The following GABPB1 variants were observed in gnomAD, a reference collection of about 807,000 sequenced individuals.
GABPB1 encodes the protein GA-binding protein subunit beta-1.
A neutral mutation model predicts 45.9 loss-of-function variants in GABPB1; 15 were observed. That is an observed-to-expected ratio of 0.33 (90% CI 0.22 to 0.50). GABPB1 has a LOEUF of 0.50. GABPB1 is among the 20% of genes least tolerant of loss of function. GABPB1 has a pLI of 0.98. For synonymous variants in GABPB1, 143 were observed against 154.4 expected (o/e 0.93, Z 0.55); for missense variants, 252 against 457.5 (o/e 0.55, Z 4.10).
intron 1 of GABPB1, among the ~76,000 whole-genome samples, chr15:50,338,260 G>A (rs546689656): frequency 6.6e-5 from 10 of 152,000 alleles, no homozygotes; most frequent in South Asian, 6.2e-4. Context: ...GGCTGGTCTC[G>A]AACTCCTAAC....
chr15:50,298,716 G>A (rs530606015), intron 6 of GABPB1, among the ~76,000 whole-genome samples: 1 of 152,308 alleles, frequency 6.6e-6, no homozygotes, highest in African/African-American at 2.4e-5. Flanking sequence ...ACCTTGGGAG[G>A]CCGAGGAAGG....
intron 1 of GABPB1, among the ~76,000 whole-genome samples, chr15:50,343,196 G>A (rs903466390): frequency 7.2e-5 from 11 of 151,996 alleles, no homozygotes; most frequent in South Asian, 4.2e-4. Context: ...ACCGTGCCCC[G>A]CAGGACTTAA....
intron 2 of GABPB1, among the ~76,000 whole-genome samples, chr15:50,306,785 T>C (rs2046965058): frequency 1.3e-5 from 2 of 152,126 alleles, no homozygotes; most frequent in Admixed American, 6.5e-5. Context: ...TTTGCCTGTT[T>C]TGAGTTTTAT....
intron 6 of GABPB1, among the ~76,000 whole-genome samples, chr15:50,297,170 C>A (rs1269687090): frequency 1.3e-5 from 2 of 151,470 alleles, no homozygotes. Flanking sequence ...CTCGGCCTCC[C>A]AAAGTGCTGG....
intron 6 of GABPB1, among the ~76,000 whole-genome samples, chr15:50,298,631 A>C (rs761597159): frequency 5.9e-5 from 9 of 152,200 alleles, no homozygotes; most frequent in Non-Finnish European, 8.8e-5. Context: ...TTATAATGCT[A>C]CAGAAGCTAA....
At chr15:50,293,575 G>GC (rs2046418557) in intron 6 of GABPB1, among the ~76,000 whole-genome samples, 1 of 152,058 alleles carries the variant, frequency 6.6e-6, no homozygotes, top group African/African-American at 2.4e-5. Flanking sequence ...ATTTTCAAAC[G>GC]CATTAAGTAT....
At chr15:50,296,286 A>G (rs912722200) in intron 6 of GABPB1, among the ~76,000 whole-genome samples, 5 of 152,250 alleles carry the variant, frequency 3.3e-5, no homozygotes, top group Non-Finnish European at 2.9e-5. Flanking sequence ...AGCTTACACT[A>G]TATTTTGGTC....
chr15:50,337,460 A>G (rs28688566), intron 1 of GABPB1, among the ~76,000 whole-genome samples: 71,846 of 151,790 alleles, frequency 0.47, 18,369 homozygotes, highest in Middle Eastern at 0.65. Context: ...AAAGTTTTGA[A>G]TCTCAAGCAA....
At chr15:50,290,528 T>A (rs1427003986) in intron 6 of GABPB1, among the ~76,000 whole-genome samples, 1 of 151,582 alleles carries the variant, frequency 6.6e-6, no homozygotes, top group East Asian at 1.9e-4. Flanking sequence ...GAGGCAGAGG[T>A]TGCAATGAGA....
At chr15:50,279,435 A>G (rs2045907667) in intron 8 of GABPB1, among the ~76,000 whole-genome samples, 1 of 152,154 alleles carries the variant, frequency 6.6e-6, no homozygotes, top group South Asian at 2.1e-4. Context: ...TATTTCCTAA[A>G]TTATACTATT....
rs1407115703 is a variant in GABPB1 at position 50,289,602 on chromosome 15, G to A, written c.764C>T (p.Ser255Leu). ...VDGAIQQVVS[S>L]GGQQVITIVT... ...TATTGTGATGACTTGCTGACCCCCT[G>A]AACTAACTACTTGCTGAATGGCACC... The change falls in exon 7 of 9, where the codon TCA becomes TTA. Residue 255 changes from serine to leucine, a missense_variant. Around this residue, in one of 4 missense-constraint regions of GABPB1, gnomAD observed 193 missense variants for 259.9 expected, o/e 0.74. Coordinates refer to ENST00000380877, the MANE Select transcript of GABPB1 (RefSeq NM_016654.5). The A allele has an allele frequency of 6.2e-7, 1 of 1,612,886 alleles. No homozygotes were observed. Among genetic ancestry groups the A allele is most frequent in the Admixed American group, 1.7e-5 (1 of 59,924 alleles).
intron 8 of GABPB1, among the ~76,000 whole-genome samples, chr15:50,282,817 G>A (rs1461186902): frequency 6.6e-6 from 1 of 152,134 alleles, no homozygotes; most frequent in Admixed American, 6.5e-5. Flanking sequence ...CACTCTGGGG[G>A]GCTGAAGCGG....
intron 1 of GABPB1, among the ~76,000 whole-genome samples, chr15:50,335,672 G>T (rs2048092961): frequency 6.6e-6 from 1 of 152,012 alleles, no homozygotes; most frequent in Admixed American, 6.6e-5. Flanking sequence ...GCCAAGGCGG[G>T]TGGATCATGA....
At chr15:50,340,612 T>A (rs2048323591) in intron 1 of GABPB1, among the ~76,000 whole-genome samples, 1 of 151,072 alleles carries the variant, frequency 6.6e-6, no homozygotes, top group Non-Finnish European at 1.5e-5. Context: ...TTTTCTTGCT[T>A]AACACATGAG....
rs773587058 is a variant in GABPB1 at position 50,300,905 on chromosome 15, G to A, written c.584-3C>T. On this transcript the variant is annotated splice_region_variant and splice_polypyrimidine_tract_variant and intron_variant, in intron 5 of 8. Transcript: ENST00000380877. Reference sequence around the variant, plus strand: ...AACAGCAGATACACCCGTTTCATCTGTAAGAAAAAAGAAAATAGATTTGAA... The same window carrying A: ...AACAGCAGATACACCCGTTTCATCTATAAGAAAAAAGAAAATAGATTTGAA... 1.0e-5 allele frequency: 16 copies of A among 1,546,410 alleles called. No individual in the cohort carries two copies. In the South Asian group the frequency reaches 1.7e-4, roughly 16 times the overall value.
chr15:50,330,863 T>C (rs1016809423), intron 1 of GABPB1, among the ~76,000 whole-genome samples: 4 of 151,974 alleles, frequency 2.6e-5, no homozygotes, highest in African/African-American at 4.8e-5. Flanking sequence ...AAGAAGTAAA[T>C]AAGTAGTAGT....
chr15:50,314,170 GATTTATTT>G (rs372088129), intron 1 of GABPB1, among the ~76,000 whole-genome samples: 13 of 149,688 alleles, frequency 8.7e-5, no homozygotes, highest in African/African-American at 3.2e-4. Flanking sequence ...CCATACGGTA[GATTTATTT>G]ATTTATTTAT....
chr15:50,281,066 T>G (rs12912855), intron 8 of GABPB1, among the ~76,000 whole-genome samples: 2 of 152,004 alleles, frequency 1.3e-5, no homozygotes, highest in African/African-American at 2.4e-5. Flanking sequence ...AATGAAAAGA[T>G]AGTTTCCTTC....
chr15:50,290,605 A>C (rs2046313944), intron 6 of GABPB1, among the ~76,000 whole-genome samples: 1 of 152,048 alleles, frequency 6.6e-6, no homozygotes, highest in Non-Finnish European at 1.5e-5. Context: ...AAAAAAAAAA[A>C]TCCACAATTC....
Sources: allele counts gnomAD v4.1 joint callset (sites outside exome capture counted in the v4.1 genomes callset), GRCh38; gene constraint gnomAD v4.1.1; regional missense constraint gnomAD v4.1.1; transcripts MANE v1.5; gene names NCBI Gene and HGNC (gene_info 2026-07-23, HGNC 2026-07-21).